Variants in B3GAT2 observed in about 807,000 individuals in gnomAD.
B3GAT2 encodes beta-1,3-glucuronyltransferase 2, also known as galactosylgalactosylxylosylprotein 3-beta-glucuronosyltransferase 2.
In B3GAT2, 26 loss-of-function variants were observed where a neutral mutation model predicts 27.8. The observed-to-expected ratio is 0.93, with a 90% CI of 0.68 to 1.30. The LOEUF (loss-of-function observed/expected upper bound fraction) is 1.30. Ranked by LOEUF, B3GAT2 falls within the 50% of genes most tolerant of loss-of-function variation. B3GAT2 has a pLI of 0.00. For missense variants in B3GAT2, 458 were observed against 459.0 expected, an observed-to-expected ratio of 1.00 and a Z score of 0.02; for synonymous variants, 218 against 195.1, an observed-to-expected ratio of 1.12 and a Z score of -0.98.
intron 2 of B3GAT2, among the ~76,000 whole-genome samples, chr6:70,889,970 C>T (rs147617081): frequency 1.9e-3 from 293 of 151,960 alleles, no homozygotes; most frequent in African/African-American, 6.8e-3. Flanking sequence ...GTAGTAGAGA[C>T]GGGGTTTCAC....
intron 2 of B3GAT2, among the ~76,000 whole-genome samples, chr6:70,884,552 G>A (rs1243607390): frequency 1.3e-5 from 2 of 152,152 alleles, no homozygotes; most frequent in Non-Finnish European, 2.9e-5. Flanking sequence ...TGACATGAGC[G>A]CCACCTTGTG....
rs61107972 is a variant in B3GAT2 at position 70,952,877 on chromosome 6, G to A, written c.591+2962C>T. On this transcript the variant is annotated intron_variant, in intron 1 of 3. Coordinates refer to ENST00000230053, the MANE Select transcript of B3GAT2 (RefSeq NM_080742.3). The stretch of plus-strand genomic sequence containing the variant: ...TTAGTTAGCTGTATGAGATGACAAA[G>A]CACCATTCCAGTTACCAGGGAGGAA... Among the ~76,000 whole-genome samples the A allele has an allele frequency of 1.4e-3, 211 of 152,330 alleles. 1 individual carries two copies. The highest frequency in any genetic ancestry group is 4.9e-3 in the African/African-American group (203 of 41,582).
At chr6:70,936,949 A>C (rs1425488419) in intron 1 of B3GAT2, among the ~76,000 whole-genome samples, 2 of 152,096 alleles carry the variant, frequency 1.3e-5, no homozygotes, top group Non-Finnish European at 2.9e-5. Flanking sequence ...CCTTCAAAAA[A>C]TTAATGAATC....
chr6:70,882,357 T>C (rs968919594), intron 2 of B3GAT2, among the ~76,000 whole-genome samples: 1 of 151,852 alleles, frequency 6.6e-6, no homozygotes, highest in African/African-American at 2.4e-5. Flanking sequence ...AAAAATTAGC[T>C]GGGCATGGTG....
At chr6:70,894,681 G>C (rs1329515739) in intron 1 of B3GAT2, among the ~76,000 whole-genome samples, 1 of 152,208 alleles carries the variant, frequency 6.6e-6, no homozygotes, top group Non-Finnish European at 1.5e-5. Context: ...AAACTTCAGA[G>C]AAGTCACAGG....
chr6:70,861,744 G>A lies in B3GAT2; in HGVS notation c.891C>T (p.Leu297=), dbSNP rs745563017. 1.8e-5 allele frequency: 29 copies of A among 1,613,914 alleles called. 1 individual carries two copies. The highest frequency in any genetic ancestry group is 5.0e-5 in the Admixed American group (3 of 59,980). ...CCTTCTCTGTCCGAGTGTGCCACACGAGAACCTGAAGGGGAAGGAAATAGC... is the reference window on the plus strand; with the variant it reads ...CCTTCTCTGTCCGAGTGTGCCACACAAGAACCTGAAGGGGAAGGAAATAGC... ...EPKANNCTKV[L]VWHTRTEKVN... The change falls in exon 4 of 4, where the codon CTC becomes CTT. Residue 297 remains leucine (L), a synonymous_variant. Transcript: ENST00000230053.
At chr6:70,932,382 T>C (rs1353236690) in intron 1 of B3GAT2, among the ~76,000 whole-genome samples, 2 of 152,132 alleles carry the variant, frequency 1.3e-5, no homozygotes, top group East Asian at 1.9e-4. Flanking sequence ...AGGTAAAATG[T>C]GAAAGCAACA....
At chr6:70,888,932 A>T (rs1772236911) in intron 2 of B3GAT2, among the ~76,000 whole-genome samples, 1 of 152,138 alleles carries the variant, frequency 6.6e-6, no homozygotes, top group African/African-American at 2.4e-5. Context: ...GTAACCCCCA[A>T]TCATTCCACT....
At chr6:70,949,071 CTTAAACG>C (rs1332462743) in intron 1 of B3GAT2, among the ~76,000 whole-genome samples, 3 of 151,794 alleles carry the variant, frequency 2.0e-5, no homozygotes, top group African/African-American at 7.2e-5. Context: ...AAGATGGAAA[CTTAAACG>C]TTAGACCTAA....
intron 1 of B3GAT2, among the ~76,000 whole-genome samples, chr6:70,930,306 CAA>C (rs1382060467): frequency 6.6e-6 from 1 of 152,100 alleles, no homozygotes; most frequent in Non-Finnish European, 1.5e-5. Context: ...ACTAAAACAC[CAA>C]AAGCAATGGC....
chr6:70,864,620 TGAAAG>T (rs1474853006), intron 2 of B3GAT2, among the ~76,000 whole-genome samples: 4 of 152,154 alleles, frequency 2.6e-5, no homozygotes, highest in African/African-American at 4.8e-5. Context: ...AGTGATCTCT[TGAAAG>T]GAAGCAGGTC....
rs187688757 is a variant in B3GAT2 at position 70,861,261 on chromosome 6, A to T, written c.*402T>A. ...ATTGCAAAGTCAGGAATCATCAGGA[A>T]CGTTTAGCTGACAAAATACTTGTCT... On this transcript the variant is annotated 3_prime_UTR_variant, in exon 4 of 4. Transcript: ENST00000230053. 4.4e-5 allele frequency: 8 copies of T among 179,950 alleles called. No individual in the cohort carries two copies. The East Asian group carries it at 1.1e-3, about 25-fold the overall frequency. The allele number at this position is 179,950 out of a possible 1,614,324, so 11.1% of individuals were successfully genotyped here.
In B3GAT2 at chr6:70,956,009, G is replaced by GC. The variant is rs1765649512; in HGVS notation, c.420dup (p.His141AlafsTer18). The GC allele has an allele frequency of 1.3e-6, 2 of 1,488,442 alleles. No homozygotes were observed. Among genetic ancestry groups the GC allele is most frequent in the Middle Eastern group, 1.9e-4 (1 of 5,194 alleles). The allele number at this position is 1,488,442 out of a possible 1,614,324, so 92.2% of individuals were successfully genotyped here. A position where few individuals can be genotyped will look rare whatever the true frequency, so the allele number is the denominator to read the frequency against. On this transcript the variant is annotated frameshift_variant, in exon 1 of 4. Transcript: ENST00000230053. LOFTEE classifies it high-confidence loss of function. ...TTGTAGCGCCGCGGCGTGGGCACGT[G>GC]CAGGTGAGTGCTGGGCAGCCCGGCC...
intron 1 of B3GAT2, among the ~76,000 whole-genome samples, chr6:70,933,931 T>A (rs1401351895): frequency 1.3e-5 from 2 of 152,356 alleles, no homozygotes; most frequent in East Asian, 3.9e-4. Context: ...CCATATGTAT[T>A]ATTATCAGGT....
chr6:70,875,655 A>G (rs915042434), intron 2 of B3GAT2, among the ~76,000 whole-genome samples: 54 of 152,338 alleles, frequency 3.5e-4, no homozygotes, highest in African/African-American at 1.2e-3. Flanking sequence ...TGGAAGAAGA[A>G]TGAAAAAGCA....
intron 2 of B3GAT2, among the ~76,000 whole-genome samples, chr6:70,887,913 C>A (rs1772216294): frequency 6.6e-6 from 1 of 151,756 alleles, no homozygotes; most frequent in East Asian, 1.9e-4. Flanking sequence ...TAGAGGGGAA[C>A]AAGAATAGTA....
intron 2 of B3GAT2, among the ~76,000 whole-genome samples, chr6:70,868,005 C>A (rs1350444115): frequency 1.3e-5 from 2 of 151,918 alleles, no homozygotes; most frequent in African/African-American, 4.8e-5. Context: ...ATTTCAAAAT[C>A]AATCAATGTA....
chr6:70,939,617 AATC>A (rs770773615), intron 1 of B3GAT2, among the ~76,000 whole-genome samples: 16 of 151,978 alleles, frequency 1.1e-4, no homozygotes, highest in Non-Finnish European at 2.1e-4. Context: ...TGAAATTGGA[AATC>A]ATCATTCTCA....
intron 2 of B3GAT2, among the ~76,000 whole-genome samples, chr6:70,875,030 G>T (rs1771992219): frequency 6.6e-6 from 1 of 151,064 alleles, no homozygotes; most frequent in African/African-American, 2.4e-5. Flanking sequence ...AAACTCCCCA[G>T]ATTCTTGCAT....
Sources: allele counts gnomAD v4.1 joint callset (sites outside exome capture counted in the v4.1 genomes callset), GRCh38; gene constraint gnomAD v4.1.1; transcripts MANE v1.5; gene names NCBI Gene and HGNC (gene_info 2026-07-23, HGNC 2026-07-21).